PLD1: variants seen among roughly 807,000 people sequenced by gnomAD.
PLD1 encodes the protein choline phosphatase 1.
In PLD1, 112 loss-of-function variants were observed where a neutral mutation model predicts 137.1. The observed-to-expected ratio is 0.82, with a 90% confidence interval of 0.70 to 0.96. The LOEUF is 0.96. PLD1 is among the 40% of genes least tolerant of loss of function. PLD1 has a pLI of 0.00. For missense variants in PLD1, 1,321 were observed against 1,342.0 expected, an observed-to-expected ratio of 0.98 and a Z score of 0.24; for synonymous variants, 431 against 454.7, an observed-to-expected ratio of 0.95 and a Z score of 0.66.
chr3:171,761,422 G>A (rs1414346258), intron 1 of PLD1, among the ~76,000 whole-genome samples: 2 of 152,096 alleles, frequency 1.3e-5, no homozygotes, highest in Admixed American at 6.5e-5. Context: ...GAAAACACAC[G>A]CTGGCATCTA....
In PLD1 at chr3:171,801,718, T is replaced by C. The variant is rs866195198; in HGVS notation, c.-32+8681A>G. Reference sequence around the variant, plus strand: ...TGCCGGGATAACAGGCATGAGCCACTGTGCCCAGCCTATGGCCTGCCTTTC... The same window carrying C: ...TGCCGGGATAACAGGCATGAGCCACCGTGCCCAGCCTATGGCCTGCCTTTC... On this transcript the variant is annotated intron_variant, in intron 1 of 26. Coordinates refer to ENST00000351298, the MANE Select transcript of PLD1 (RefSeq NM_002662.5). Among the ~76,000 whole-genome samples, 7 of 152,214 alleles carry C rather than the reference T, an allele frequency of 4.6e-5. No homozygotes were observed. The South Asian group carries it at 1.4e-3, about 31-fold the overall frequency.
intron 1 of PLD1, among the ~76,000 whole-genome samples, chr3:171,803,126 G>A (rs765664097): frequency 2.6e-5 from 4 of 152,210 alleles, no homozygotes; most frequent in Non-Finnish European, 5.9e-5. Flanking sequence ...AGGAGGGAAG[G>A]CCAGCTCTTC....
chr3:171,747,593 T>C (rs953232175), intron 1 of PLD1, among the ~76,000 whole-genome samples: 1 of 152,056 alleles, frequency 6.6e-6, no homozygotes, highest in Non-Finnish European at 1.5e-5. Context: ...CCAAAGCCCA[T>C]GTTTTGTTCA....
intron 22 of PLD1, 112 bp downstream of exon 22, chr3:171,644,798 T>C (rs1736053709): frequency 1.4e-6 from 1 of 706,992 alleles, no homozygotes; most frequent in African/African-American, 1.7e-5. Context: ...AATAAAGTGT[T>C]CATTTGTTCC....
intron 1 of PLD1, among the ~76,000 whole-genome samples, chr3:171,770,925 G>C (rs1316103579): frequency 1.4e-5 from 2 of 144,998 alleles, no homozygotes; most frequent in Non-Finnish European, 3.0e-5. Context: ...GGCGGGGGCA[G>C]GGCTGATATT....
chr3:171,741,935 C>T lies in PLD1; in HGVS notation c.-31-3853G>A, dbSNP rs888306453. 2.6e-5 allele frequency among the ~76,000 whole-genome samples: 4 copies of T among 152,192 alleles called. No homozygotes were observed. The East Asian group carries it at 7.7e-4, about 29-fold the overall frequency. On this transcript the variant is annotated intron_variant, in intron 1 of 26. Coordinates refer to ENST00000351298, the MANE Select transcript of PLD1 (RefSeq NM_002662.5). ...ATATTAACATAAATATGAACATTAG[C>T]CAGTATTTGCTAAATATGTACTACA...
chr3:171,669,726 G>A (rs761528019), intron 19 of PLD1, among the ~76,000 whole-genome samples: 28 of 152,316 alleles, frequency 1.8e-4, no homozygotes, highest in African/African-American at 5.8e-4. Context: ...AAACACTAGC[G>A]AAAGCTTGAA....
chr3:171,614,447 T>G (rs114212330), intron 24 of PLD1, among the ~76,000 whole-genome samples: 106 of 152,340 alleles, frequency 7.0e-4, no homozygotes, highest in African/African-American at 2.5e-3. Context: ...TGTAGGGATA[T>G]TGTGGGAATT....
In PLD1 at chr3:171,659,285, C is replaced by T; in HGVS notation, c.2357G>A (p.Ser786Asn). 6.2e-7 allele frequency: 1 copy of T among 1,611,868 alleles called. No homozygotes were observed. Among genetic ancestry groups the T allele is most frequent in the South Asian group, 1.1e-5 (1 of 91,030 alleles). The change falls in exon 21 of 27, where the codon AGC becomes AAC. Residue 786 changes from serine to asparagine, a missense_variant. Transcript: ENST00000351298. ...YIYIENQFFI[S>N]CADDKVVFNK... ...GAACACAACTTTGTCATCAGCACAGCTTATGAAAAACTGGTTCTATGAGAA... is the reference window on the plus strand; with the variant it reads ...GAACACAACTTTGTCATCAGCACAGTTTATGAAAAACTGGTTCTATGAGAA...
chr3:171,644,562 T>G (rs1015603689), intron 22 of PLD1, among the ~76,000 whole-genome samples: 3 of 152,190 alleles, frequency 2.0e-5, no homozygotes, highest in African/African-American at 7.2e-5. Context: ...GCATTTAATT[T>G]TTTCTCTATT....
intron 1 of PLD1, among the ~76,000 whole-genome samples, chr3:171,757,210 G>A (rs1256771903): frequency 6.6e-6 from 1 of 152,178 alleles, no homozygotes; most frequent in Non-Finnish European, 1.5e-5. Flanking sequence ...ACTCTGCTCA[G>A]TGAGATAATT....
intron 1 of PLD1, among the ~76,000 whole-genome samples, chr3:171,766,244 T>C (rs1274886187): frequency 6.6e-6 from 1 of 152,234 alleles, no homozygotes; most frequent in Non-Finnish European, 1.5e-5. Context: ...TAGTCTACTA[T>C]TTCTACTATT....
At chr3:171,728,144 T>A (rs1443534256) in intron 6 of PLD1, among the ~76,000 whole-genome samples, 1 of 152,114 alleles carries the variant, frequency 6.6e-6, no homozygotes, top group Non-Finnish European at 1.5e-5. Context: ...ACCCCATCTC[T>A]ACTAAAAATA....
chr3:171,741,349 T>C (rs1200154468), intron 1 of PLD1, among the ~76,000 whole-genome samples: 2 of 152,198 alleles, frequency 1.3e-5, no homozygotes, highest in East Asian at 1.9e-4. Flanking sequence ...CATCCAACCA[T>C]TGTATTGTTG....
chr3:171,683,811 T>C (rs1239220871), intron 16 of PLD1, among the ~76,000 whole-genome samples: 4 of 152,230 alleles, frequency 2.6e-5, no homozygotes, highest in South Asian at 2.1e-4. Flanking sequence ...AGAATAGTGA[T>C]TGGCATATAA....
intron 1 of PLD1, among the ~76,000 whole-genome samples, chr3:171,772,127 T>G (rs2108331929): frequency 6.6e-6 from 1 of 152,356 alleles, no homozygotes; most frequent in Middle Eastern, 3.4e-3. Context: ...GTCAGTAATG[T>G]TCTAGCATAT....
chr3:171,719,197 C>T (rs1414207549), intron 8 of PLD1, among the ~76,000 whole-genome samples: 2 of 152,130 alleles, frequency 1.3e-5, no homozygotes, highest in African/African-American at 4.8e-5. Flanking sequence ...CTTAAAAATC[C>T]CTCTACAAGC....
Position 171,603,253 on chromosome 3 carries a change from C to T in PLD1, c.3050G>A (p.Arg1017Lys). 6.2e-7 allele frequency: 1 copy of T among 1,614,034 alleles called. No homozygotes were observed. Among genetic ancestry groups the T allele is most frequent in the Non-Finnish European group, 8.5e-7 (1 of 1,179,980 alleles). ...NDEVHNLIQL[R>K]DFINKPVLAK... is the part of the protein sequence containing the mutation. ...TAATACGGGCTTGTTTATAAAGTCT[C>T]TCAGCTGAATTAAATTGTGTACTTC... is the stretch of plus-strand genomic sequence containing the variant. Residue 1017 changes from arginine (R) to lysine (K), a missense_variant, in exon 27 of 27, where the codon AGA becomes AAA. Arg to Lys is a conservative substitution (Grantham distance 26). Transcript: ENST00000351298.
intron 1 of PLD1, among the ~76,000 whole-genome samples, chr3:171,759,379 T>C (rs1443593780): frequency 9.2e-5 from 14 of 152,240 alleles, no homozygotes; most frequent in East Asian, 1.9e-4. Context: ...TTACTGAAGA[T>C]ACTAATTTTT....
Sources: allele counts gnomAD v4.1 joint callset (sites outside exome capture counted in the v4.1 genomes callset), GRCh38; gene constraint gnomAD v4.1.1; transcripts MANE v1.5; gene names NCBI Gene and HGNC (gene_info 2026-07-23, HGNC 2026-07-21).